ICAM3: variants seen among roughly 807,000 people sequenced by gnomAD.
ICAM3 encodes intercellular adhesion molecule 3.
A neutral mutation model predicts 43.6 loss-of-function variants in ICAM3; 54 were observed. The observed-to-expected ratio is 1.24, with a 90% CI of 0.99 to 1.55. The LOEUF (loss-of-function observed/expected upper bound fraction) is 1.55. Among genes scored for constraint, ICAM3 ranks in the 40% most tolerant of loss-of-function variants. The pLI is 0.00. For missense variants in ICAM3, 715 were observed against 717.9 expected (o/e 1.00, Z 0.05); for synonymous variants, 306 against 312.6 (o/e 0.98, Z 0.22).
chr19:10,335,964 C>A lies in ICAM3; in HGVS notation c.356G>T (p.Arg119Leu). ...AGGAGGCAGGGGTGCCAGCTCCACA[C>A]GCTCCGGGAGCCCTGAGAGAGGAGG... is the stretch of plus-strand genomic sequence containing the variant. ...SNITVYRLPERVELAPLPPWQ... is the reference protein window; with the variant it reads ...SNITVYRLPELVELAPLPPWQ... The change falls in exon 3 of 7, where the codon CGT becomes CTT. Residue 119 changes from arginine (R) to leucine (L), a missense_variant. Transcript: ENST00000160262. 1 of 1,562,382 alleles carries A rather than the reference C, an allele frequency of 6.4e-7. No homozygotes were observed. Among genetic ancestry groups the A allele is most frequent in the Non-Finnish European group, 8.6e-7 (1 of 1,160,012 alleles).
In ICAM3 at chr19:10,334,536, C is replaced by T; in HGVS notation, c.1184G>A (p.Arg395Gln). The T allele has an allele frequency of 6.2e-7, 1 of 1,607,886 alleles. No homozygotes were observed. Among genetic ancestry groups the T allele is most frequent in the Non-Finnish European group, 8.5e-7 (1 of 1,175,668 alleles). ...FLHRNSSVQL[R>Q]VLYGPKIDRA... is the part of the protein sequence containing the mutation. ...CAGGGTGACCGACTCACACAGGACT[C>T]GCAGCTGGACGCTACTGTTCCTGTG... The change falls in exon 5 of 7, where the codon CGA (arginine) becomes CAA (glutamine). Residue 395 changes from arginine to glutamine, a missense_variant. Transcript: ENST00000160262. The surrounding 1 kb of genome is among the most constrained non-coding windows in gnomAD (Gnocchi z 5.5).
At position 10,335,074 on chromosome 19, in the gene ICAM3, G is replaced by T. The variant is rs141585231; in HGVS notation, c.929C>A (p.Thr310Lys). 384 of 1,612,450 alleles carry T rather than the reference G, an allele frequency of 2.4e-4. 2 individuals are homozygous for T. The African/African-American group carries it at 3.9e-3, about 16-fold the overall frequency. ...GERREARENL[T>K]VFSFLGPIVN... is the part of the protein sequence containing the mutation. ...CCCACGCCTCCTCTTACTAAAGACC[G>T]TCAAGTTCTCCCGGGCCTCCCGTCT... The change falls in exon 4 of 7, where the codon ACG becomes AAG. Residue 310 changes from threonine (T) to lysine (K), a missense_variant. Transcript: ENST00000160262.
chr19:10,333,826 C>G lies in ICAM3; in HGVS notation c.*31G>C. ...TGCGGAATCTGAGGGCACAGCCAAGCCCCCGCCAACTTTGATCCCGGATCC... is the reference window on the plus strand; with the variant it reads ...TGCGGAATCTGAGGGCACAGCCAAGGCCCCGCCAACTTTGATCCCGGATCC... On this transcript the variant is annotated 3_prime_UTR_variant, in exon 7 of 7. Transcript: ENST00000160262. The surrounding 1 kb of genome is among the most constrained non-coding windows in gnomAD (Gnocchi z 4.2). 2 of 1,604,584 alleles carry G rather than the reference C, an allele frequency of 1.2e-6. No homozygotes were observed. Among genetic ancestry groups the G allele is most frequent in the South Asian group, 1.1e-5 (1 of 90,848 alleles).
chr19:10,335,580 C>T (rs2040587663), intron 3 of ICAM3, 91 bp downstream of exon 3: 1 of 1,326,020 alleles, frequency 7.5e-7, no homozygotes, highest in Non-Finnish European at 1.0e-6. Flanking sequence ...CCTGTGAGGT[C>T]CGGGGTACCC....
intron 3 of ICAM3, 117 bp downstream of exon 3, chr19:10,335,553 GC>G (rs1336217536): frequency 1.1e-5 from 14 of 1,218,610 alleles, no homozygotes; most frequent in Middle Eastern, 1.9e-4. Flanking sequence ...GTGGCCGGGG[GC>G]TTTCCTTCCC....
At position 10,334,355 on chromosome 19, in the gene ICAM3, T is replaced by G; in HGVS notation, c.1246A>C (p.Lys416Gln). The change falls in exon 6 of 7, where the codon AAA becomes CAA. Residue 416 changes from lysine (K) to glutamine (Q), a missense_variant. Transcript: ENST00000160262. This position sits in a 1 kb window ranked among gnomAD's most constrained non-coding sequence, Gnocchi z 5.5. ...TCPQHLKWKD[K>Q]TRHVLQCQAR... is the part of the protein sequence containing the mutation. Reference sequence around the variant, plus strand: ...TGGCACTGCAGGACGTGTCTCGTTTTATCTTTCCATTTCAAGTGCTGGGGG... The same window carrying G: ...TGGCACTGCAGGACGTGTCTCGTTTGATCTTTCCATTTCAAGTGCTGGGGG... The G allele has an allele frequency of 6.2e-7, 1 of 1,614,188 alleles. No individual in the cohort carries two copies. Among genetic ancestry groups the G allele is most frequent in the Non-Finnish European group, 8.5e-7 (1 of 1,180,038 alleles).
At chr19:10,335,014 G>T (rs2040573063) in intron 4 of ICAM3, 52 bp downstream of exon 4, 1 of 1,573,462 alleles carries the variant, frequency 6.4e-7, no homozygotes, top group African/African-American at 1.3e-5. Flanking sequence ...CGCCCCCTCT[G>T]CCACGCCCCC....
In ICAM3 at chr19:10,334,570, C is replaced by T. The variant is rs750233850; in HGVS notation, c.1150G>A (p.Glu384Lys). The change falls in exon 5 of 7, where the codon GAG becomes AAG. Residue 384 changes from glutamate to lysine, a missense_variant. By Grantham distance (56) the Glu-to-Lys change is moderately conservative. Transcript: ENST00000160262. The surrounding 1 kb of genome is among the most constrained non-coding windows in gnomAD (Gnocchi z 5.5). ...FCSATLEVDGEFLHRNSSVQL... is the reference protein window; with the variant it reads ...FCSATLEVDGKFLHRNSSVQL... ...ACGCTACTGTTCCTGTGCAAGAACT[C>T]GCCGTCCACCTCGAGAGTGGCACTG... 6.8e-6 allele frequency: 11 copies of T among 1,613,480 alleles called. No homozygotes were observed. The highest frequency in any genetic ancestry group is 9.3e-6 in the Non-Finnish European group (11 of 1,179,696).
At chr19:10,338,651 A>T in intron 2 of ICAM3, 31 bp downstream of exon 2, 1 of 1,609,778 alleles carries the variant, frequency 6.2e-7, no homozygotes, top group Admixed American at 1.7e-5. Flanking sequence ...ACTACCCAAG[A>T]CCAGTCCCAC....
chr19:10,334,479 C>T lies in ICAM3; in HGVS notation c.1192+49G>A. 1 of 1,604,460 alleles carries T rather than the reference C, an allele frequency of 6.2e-7. No individual in the cohort carries two copies. The highest frequency in any genetic ancestry group is 2.2e-5 in the East Asian group (1 of 44,770). ...ACAGTGGTGCAGAGGAGCGTCTAAT[C>T]TTTCCAGGGCAGGGGTGGAGGGATT... On this transcript the variant is annotated intron_variant, in intron 5 of 6. Transcript: ENST00000160262. This position sits in a 1 kb window ranked among gnomAD's most constrained non-coding sequence, Gnocchi z 5.5.
At chr19:10,336,783 C>T (rs1052605291) in intron 2 of ICAM3, among the ~76,000 whole-genome samples, 14 of 120,214 alleles carry the variant, frequency 1.2e-4, no homozygotes, top group East Asian at 8.0e-4. Flanking sequence ...TCCAGCCTGG[C>T]GACAGAGAGA....
Position 10,333,967 on chromosome 19 carries a change from C to A in ICAM3, c.1534G>T (p.Glu512Ter). The A allele has an allele frequency of 6.2e-7, 1 of 1,614,164 alleles. No individual in the cohort carries two copies. The highest frequency in any genetic ancestry group is 8.5e-7 in the Non-Finnish European group (1 of 1,180,036). ...IVLALMYVFR[E>*]HQRSGSYHVR... ...TGGTAACTGCCGCTCCGTTGGTGCT[C>A]CCTGAAGACGTACATTAAGGCCAGT... Residue 512 changes from glutamate (E) to a stop codon, truncating the protein, a stop_gained, in exon 7 of 7, where the codon GAG becomes TAG. Coordinates refer to ENST00000160262, the MANE Select transcript of ICAM3 (RefSeq NM_002162.5). LOFTEE classifies it low-confidence loss of function (END_TRUNC). The surrounding 1 kb of genome is among the most constrained non-coding windows in gnomAD (Gnocchi z 4.2).
Position 10,335,737 on chromosome 19 carries a change from C to G in ICAM3, c.583G>C (p.Asp195His). 2 of 1,611,660 alleles carry G rather than the reference C, an allele frequency of 1.2e-6. No individual in the cohort carries two copies. The highest frequency in any genetic ancestry group is 2.2e-5 in the South Asian group (2 of 90,654). Reference protein sequence around the residue: ...GAPFSCRTELDMQPQGLGLFV... With the variant: ...GAPFSCRTELHMQPQGLGLFV... ...AGTCCCAGCCCCTGGGGCTGCATGT[C>G]CAGTTCTGTGCGGCATGAGAAAGGG... The change falls in exon 3 of 7, where the codon GAC (aspartate) becomes CAC (histidine). Residue 195 changes from aspartate (D) to histidine (H), a missense_variant. By Grantham distance (81) the Asp-to-His change is moderately conservative. Coordinates refer to ENST00000160262, the MANE Select transcript of ICAM3 (RefSeq NM_002162.5).
rs201095769 is a variant in ICAM3 at position 10,338,403 on chromosome 19, CAA to C, written c.343+277_343+278del. On this transcript the variant is annotated intron_variant, in intron 2 of 6. Transcript: ENST00000160262. ...AGGCAAAAAGAGCGAAACTCTGTCT[CAA>C]AAAAAAAAAAAAAATGCTTGTTGGG... Among the ~76,000 whole-genome samples the C allele has an allele frequency of 6.5e-3, 822 of 126,404 alleles. 13 individuals carry two copies. The highest frequency in any genetic ancestry group is 0.056 in the East Asian group (234 of 4,180). The allele number at this position is 126,404 out of a possible 152,430, so 82.9% of individuals were successfully genotyped here.
In ICAM3 at chr19:10,333,869, G is replaced by A; in HGVS notation, c.1632C>T (p.Ser544=). The change falls in exon 7 of 7, where the codon TCC becomes TCT. Residue 544 remains serine (S), a synonymous_variant. Transcript: ENST00000160262. This position sits in a 1 kb window ranked among gnomAD's most constrained non-coding sequence, Gnocchi z 4.2. ...QPTEAMGEEP[S]RAE ...CCGGATCCCAGCGTCACTCAGCTCT[G>A]GACGGTTCTTCCCCCATTGCTTCTG... 6.2e-7 allele frequency: 1 copy of A among 1,614,118 alleles called. No individual in the cohort carries two copies. The highest frequency in any genetic ancestry group is 1.3e-5 in the African/African-American group (1 of 75,032).
Position 10,334,874 on chromosome 19 carries a change from T to G in ICAM3, c.938-92A>C. ...CGCCCTCCCCTTTCCTCTCGGGATA[T>G]CCGGGCCACGCTTTCGGCCGTTCAA... On this transcript the variant is annotated intron_variant, in intron 4 of 6. Coordinates refer to ENST00000160262, the MANE Select transcript of ICAM3 (RefSeq NM_002162.5). The surrounding 1 kb of genome is among the most constrained non-coding windows in gnomAD (Gnocchi z 5.5). 6.7e-7 allele frequency: 1 copy of G among 1,486,784 alleles called. No homozygotes were observed. The highest frequency in any genetic ancestry group is 9.0e-7 in the Non-Finnish European group (1 of 1,109,876). 92.1% of individuals were successfully genotyped at this position (1,486,784 alleles called of 1,614,324 possible).
chr19:10,337,045 G>T (rs931475530), intron 2 of ICAM3, among the ~76,000 whole-genome samples: 1 of 151,948 alleles, frequency 6.6e-6, no homozygotes, highest in African/African-American at 2.4e-5. Flanking sequence ...AGGAGGCGGA[G>T]GTTGCAATGA....
Position 10,338,653 on chromosome 19 carries a change from C to G in ICAM3, c.343+29G>C, listed in dbSNP as rs533553294. ...ACTTGCCCACACCACTACCCAAGAC[C>G]AGTCCCACCTCCGGACACGTCGACT... is the stretch of plus-strand genomic sequence containing the variant. On this transcript the variant is annotated intron_variant, in intron 2 of 6. Transcript: ENST00000160262. The G allele has an allele frequency of 3.1e-6, 5 of 1,609,872 alleles. No individual in the cohort carries two copies. The South Asian group carries it at 5.5e-5, about 18-fold the overall frequency.
At position 10,339,151 on chromosome 19, in the gene ICAM3, G is replaced by A. The variant is rs552325798; in HGVS notation, c.77-203C>T. ...AAGAGGCTCTGATCCAGCATAGGAG[G>A]AGGTGAGTCAGGGAAGGCTTCCTGG... On this transcript the variant is annotated intron_variant, in intron 1 of 6. Transcript: ENST00000160262. 5.6e-5 allele frequency: 35 copies of A among 625,708 alleles called. No homozygotes were observed. The African/African-American group carries it at 5.9e-4, about 11-fold the overall frequency. 38.8% of individuals were successfully genotyped at this position (625,708 alleles called of 1,614,324 possible). A position where few individuals can be genotyped will look rare whatever the true frequency, so the allele number is the denominator to read the frequency against.
Sources: allele counts gnomAD v4.1 joint callset (sites outside exome capture counted in the v4.1 genomes callset), GRCh38; gene constraint gnomAD v4.1.1; non-coding constraint Gnocchi (gnomAD v3.1); transcripts MANE v1.5; gene names NCBI Gene and HGNC (gene_info 2026-07-23, HGNC 2026-07-21).